The following MBD5 variants were observed in gnomAD, a reference collection of about 807,000 sequenced individuals.
The protein encoded by MBD5 is methyl-CpG-binding domain protein 5.
MBD5 carries 13 observed loss-of-function variants against 117.3 expected under a neutral mutation model. The ratio of observed to expected loss-of-function variants is 0.11; its 90% confidence interval spans 0.07 to 0.18. MBD5 has a LOEUF of 0.18. Ranked by LOEUF, MBD5 falls within the 10% of genes least tolerant of loss-of-function variation. MBD5 has a pLI of 1.00. For synonymous variants in MBD5, 727 were observed against 766.4 expected (o/e 0.95, Z 0.85); for missense variants, 1,879 against 2,093.8 (o/e 0.90, Z 2.00).
chr2:148,027,024 T>A (rs572690278), intron 1 of MBD5: 1 of 152,314 alleles, frequency 6.6e-6, no homozygotes, highest in South Asian at 2.1e-4. Context: ...TATTTTCTTA[T>A]ATGAAGTTCA....
At chr2:148,362,473 G>A (rs1703569209) in intron 4 of MBD5, among the ~76,000 whole-genome samples, 1 of 152,102 alleles carries the variant, frequency 6.6e-6, no homozygotes, top group South Asian at 2.1e-4. Flanking sequence ...TAAAAGAAAG[G>A]CAGCATCCCC....
chr2:148,376,134 G>T (rs1036533834), intron 4 of MBD5, among the ~76,000 whole-genome samples: 12 of 151,606 alleles, frequency 7.9e-5, no homozygotes, highest in African/African-American at 2.9e-4. Context: ...AGTTTCCAAG[G>T]TACTAGTTCT....
intron 4 of MBD5, among the ~76,000 whole-genome samples, chr2:148,406,705 C>A (rs755405792): frequency 6.6e-6 from 1 of 152,224 alleles, no homozygotes; most frequent in Non-Finnish European, 1.5e-5. Context: ...AGTTACACTT[C>A]ATTACAGTGA....
At chr2:148,499,309 T>C (rs1288183475) in intron 11 of MBD5, among the ~76,000 whole-genome samples, 3 of 152,030 alleles carry the variant, frequency 2.0e-5, no homozygotes, top group Non-Finnish European at 4.4e-5. Flanking sequence ...TTAAAAAAAA[T>C]TAACATTTAA....
In MBD5 at chr2:148,469,352, G is replaced by A. The variant is rs1680709717; in HGVS notation, c.1409G>A (p.Gly470Glu). The stretch of plus-strand genomic sequence containing the variant: ...TCATCTTCCACATCATCAGATCATG[G>A]AAATTTCATGATGCCACCTGTAGGA... ...SRSSSTSSDH[G>E]NFMMPPVGPQ... Residue 470 changes from glycine (G) to glutamate (E), a missense_variant, in exon 8 of 14, where the codon GGA (glycine) becomes GAA (glutamate). Gly to Glu is a moderately conservative substitution (Grantham distance 98). Transcript: ENST00000642680. The A allele has an allele frequency of 6.2e-7, 1 of 1,613,596 alleles. No individual in the cohort carries two copies. Among genetic ancestry groups the A allele is most frequent in the Non-Finnish European group, 8.5e-7 (1 of 1,179,914 alleles).
At chr2:148,025,469 T>C (rs913145452) in intron 1 of MBD5, 1 of 151,908 alleles carries the variant, frequency 6.6e-6, no homozygotes, top group Non-Finnish European at 1.5e-5. Context: ...TGTGGTTGCC[T>C]TTGCTGGATT....
At chr2:148,323,198 G>C (rs1442389968) in intron 3 of MBD5, among the ~76,000 whole-genome samples, 1 of 151,986 alleles carries the variant, frequency 6.6e-6, no homozygotes, top group Non-Finnish European at 1.5e-5. Flanking sequence ...TGGCTGCATA[G>C]TATTCCATGG....
intron 3 of MBD5, among the ~76,000 whole-genome samples, chr2:148,308,405 T>C (rs1701945341): frequency 6.6e-6 from 1 of 152,100 alleles, no homozygotes; most frequent in African/African-American, 2.4e-5. Context: ...TAATGAGTTT[T>C]TTTCATATGT....
At chr2:148,079,632 G>C (rs904327072) in intron 1 of MBD5, among the ~76,000 whole-genome samples, 3 of 151,854 alleles carry the variant, frequency 2.0e-5, no homozygotes, top group African/African-American at 7.3e-5. Flanking sequence ...GCCTAGGCGG[G>C]TGGATCACAA....
intron 1 of MBD5, among the ~76,000 whole-genome samples, chr2:148,152,885 CTT>C (rs1346860250): frequency 6.6e-6 from 1 of 151,924 alleles, no homozygotes; most frequent in Admixed American, 6.6e-5. Flanking sequence ...GGTCTTGACT[CTT>C]TATCCAATTT....
intron 4 of MBD5, among the ~76,000 whole-genome samples, chr2:148,407,941 C>T (rs1221470357): frequency 6.6e-6 from 1 of 152,114 alleles, no homozygotes; most frequent in East Asian, 1.9e-4. Context: ...GGTAATACTG[C>T]TTAGCCATGA....
At chr2:148,262,932 A>G (rs1700766695) in intron 3 of MBD5, among the ~76,000 whole-genome samples, 1 of 152,216 alleles carries the variant, frequency 6.6e-6, no homozygotes, top group Admixed American at 6.5e-5. Context: ...AGTCTGATCT[A>G]GGCTAATTGC....
chr2:148,397,935 A>G (rs142357219), intron 4 of MBD5, among the ~76,000 whole-genome samples: 175 of 152,244 alleles, frequency 1.1e-3, no homozygotes, highest in African/African-American at 3.7e-3. Context: ...TAGTTTGCAG[A>G]GAATGATGGT....
At chr2:148,414,352 T>G (rs1437911432) in intron 4 of MBD5, among the ~76,000 whole-genome samples, 1 of 152,200 alleles carries the variant, frequency 6.6e-6, no homozygotes, top group Non-Finnish European at 1.5e-5. Context: ...TCAGTTTTTT[T>G]GAAGTCACTG....
intron 4 of MBD5, among the ~76,000 whole-genome samples, chr2:148,421,431 C>A (rs1705602856): frequency 6.6e-6 from 1 of 152,174 alleles, no homozygotes; most frequent in Non-Finnish European, 1.5e-5. Flanking sequence ...TTGCAACCCG[C>A]AGACCAGGAG....
chr2:148,274,317 T>C (rs1157195441), intron 3 of MBD5, among the ~76,000 whole-genome samples: 1 of 152,076 alleles, frequency 6.6e-6, no homozygotes, highest in Non-Finnish European at 1.5e-5. Context: ...GCCATGGTGG[T>C]TTGCTGCACC....
At chr2:148,284,243 T>C (rs902941817) in intron 3 of MBD5, among the ~76,000 whole-genome samples, 3 of 152,168 alleles carry the variant, frequency 2.0e-5, no homozygotes, top group African/African-American at 7.2e-5. Context: ...CAGCCCCTAA[T>C]AAAGGAACAC....
At chr2:148,313,540 C>T (rs1035470139) in intron 3 of MBD5, among the ~76,000 whole-genome samples, 2 of 152,204 alleles carry the variant, frequency 1.3e-5, no homozygotes, top group African/African-American at 2.4e-5. Flanking sequence ...CTGCTGGCCA[C>T]GAGAATTTCA....
chr2:148,230,576 G>A (rs183051348), intron 2 of MBD5, among the ~76,000 whole-genome samples: 106 of 152,244 alleles, frequency 7.0e-4, no homozygotes, highest in African/African-American at 2.5e-3. Flanking sequence ...ACAAGACAAA[G>A]TTCCCTTTGC....
Sources: allele counts gnomAD v4.1 joint callset (sites outside exome capture counted in the v4.1 genomes callset), GRCh38; gene constraint gnomAD v4.1.1; transcripts MANE v1.5; gene names NCBI Gene and HGNC (gene_info 2026-07-23, HGNC 2026-07-21).